ANK3: variants seen among roughly 807,000 people sequenced by gnomAD.
The protein encoded by ANK3 is ankyrin-3.
ANK3 carries 57 observed loss-of-function variants against 370.9 expected under a neutral mutation model. The ratio of observed to expected loss-of-function variants is 0.15; its 90% confidence interval spans 0.12 to 0.19. The LOEUF (loss-of-function observed/expected upper bound fraction) is 0.19. Among genes scored for constraint, ANK3 ranks in the 10% least tolerant of loss-of-function variants. The pLI is 1.00. For synonymous variants in ANK3, 1,929 were observed against 1,946.3 expected, an observed-to-expected ratio of 0.99 and a Z score of 0.23; for missense variants, 4,439 against 5,302.1, an observed-to-expected ratio of 0.84 and a Z score of 5.06.
At chr10:60,405,289 T>A (rs779017983) in intron 2 of ANK3, among the ~76,000 whole-genome samples, 2 of 152,146 alleles carry the variant, frequency 1.3e-5, no homozygotes, top group Non-Finnish European at 2.9e-5. Flanking sequence ...AACAAGTGAA[T>A]GGATAAACAA....
chr10:60,549,786 A>T (rs72822814), intron 2 of ANK3, among the ~76,000 whole-genome samples: 2 of 152,320 alleles, frequency 1.3e-5, no homozygotes, highest in Non-Finnish European at 2.9e-5. Flanking sequence ...AAAGCAGTAC[A>T]TATACAGGTA....
intron 2 of ANK3, among the ~76,000 whole-genome samples, chr10:60,557,914 T>C (rs933538925): frequency 6.6e-6 from 1 of 152,166 alleles, no homozygotes. Context: ...TTGAAAAGAT[T>C]AGGAAACGTT....
intron 2 of ANK3, among the ~76,000 whole-genome samples, chr10:60,460,986 G>A (rs1051186789): frequency 2.6e-5 from 4 of 152,164 alleles, no homozygotes; most frequent in Non-Finnish European, 5.9e-5. Context: ...CAGAAAAGTA[G>A]TGACTTCTAG....
chr10:60,339,135 A>G (rs1411220463), intron 1 of ANK3, among the ~76,000 whole-genome samples: 3 of 152,116 alleles, frequency 2.0e-5, no homozygotes, highest in African/African-American at 7.2e-5. Context: ...TAAAAGGTTC[A>G]GACATTAAGT....
chr10:60,082,047 T>C, intron 35 of ANK3, 103 bp downstream of exon 35: 1 of 861,776 alleles, frequency 1.2e-6, no homozygotes, highest in South Asian at 1.9e-5. Context: ...CTGAAAAATA[T>C]AATTTATATG....
intron 4 of ANK3, among the ~76,000 whole-genome samples, chr10:60,274,416 C>T (rs565961904): frequency 6.6e-6 from 1 of 152,300 alleles, no homozygotes; most frequent in South Asian, 2.1e-4. Flanking sequence ...TGCCCACACA[C>T]CCATTTCCCC....
chr10:60,263,739 G>A (rs2097842716), intron 6 of ANK3, 96 bp downstream of exon 6: 4 of 1,379,312 alleles, frequency 2.9e-6, no homozygotes, highest in Non-Finnish European at 4.0e-6. Context: ...TTAAAGGCAT[G>A]GCATAAGCTT....
At chr10:60,369,350 A>G (rs1317921109) in intron 1 of ANK3, among the ~76,000 whole-genome samples, 3 of 152,178 alleles carry the variant, frequency 2.0e-5, no homozygotes, top group African/African-American at 7.2e-5. Context: ...TGCAACTAGA[A>G]GCTCAACATT....
At chr10:60,604,933 T>C (rs1002873766) in intron 2 of ANK3, among the ~76,000 whole-genome samples, 5 of 152,134 alleles carry the variant, frequency 3.3e-5, no homozygotes, top group East Asian at 1.9e-4. Flanking sequence ...AGCACCAACA[T>C]TGTAGTCCAC....
intron 1 of ANK3, among the ~76,000 whole-genome samples, chr10:60,294,733 A>G (rs1458245022): frequency 6.6e-6 from 1 of 152,230 alleles, no homozygotes; most frequent in Admixed American, 6.5e-5. Flanking sequence ...AGACAGATAG[A>G]TAGATAGACT....
intron 43 of ANK3, among the ~76,000 whole-genome samples, chr10:60,038,394 A>C (rs1226620137): frequency 2.0e-5 from 3 of 152,200 alleles, no homozygotes; most frequent in Admixed American, 6.5e-5. Flanking sequence ...AGACTGTCTC[A>C]AAAATAAAAG....
At chr10:60,197,164 G>C (rs972347922) in intron 14 of ANK3, among the ~76,000 whole-genome samples, 3 of 152,178 alleles carry the variant, frequency 2.0e-5, no homozygotes, top group African/African-American at 7.2e-5. Flanking sequence ...CTAGTCTTCA[G>C]GAGGAGGAGT....
At chr10:60,107,045 G>C (rs2092261687) in intron 27 of ANK3, among the ~76,000 whole-genome samples, 1 of 152,078 alleles carries the variant, frequency 6.6e-6, no homozygotes, top group African/African-American at 2.4e-5. Context: ...AGGGATAGTA[G>C]TTGTAATGAT....
At chr10:60,342,450 T>G (rs2054482436) in intron 1 of ANK3, among the ~76,000 whole-genome samples, 1 of 152,090 alleles carries the variant, frequency 6.6e-6, no homozygotes. Context: ...GAGGAAAACT[T>G]AAGAGAAACC....
At chr10:60,615,654 T>C (rs977733351) in intron 1 of ANK3, among the ~76,000 whole-genome samples, 2 of 152,208 alleles carry the variant, frequency 1.3e-5, no homozygotes, top group Admixed American at 6.5e-5. Flanking sequence ...ATAACTTTCT[T>C]GCACAGCTAT....
intron 18 of ANK3, among the ~76,000 whole-genome samples, chr10:60,175,962 G>A (rs920465176): frequency 4.6e-5 from 7 of 152,052 alleles, no homozygotes; most frequent in East Asian, 1.9e-4. Context: ...TTATTACCTC[G>A]TGCTGAAAAC....
chr10:60,714,294 A>G (rs541062573), intron 1 of ANK3, among the ~76,000 whole-genome samples: 51 of 152,332 alleles, frequency 3.3e-4, no homozygotes, highest in Admixed American at 2.4e-3. Flanking sequence ...AGATGGGTTC[A>G]CTGGTGACTT....
chr10:60,695,651 G>A (rs1228197705), intron 1 of ANK3, among the ~76,000 whole-genome samples: 20 of 152,056 alleles, frequency 1.3e-4, no homozygotes, highest in African/African-American at 4.1e-4. Context: ...CTGAATGACT[G>A]CTGGGTACAT....
intron 2 of ANK3, among the ~76,000 whole-genome samples, chr10:60,582,774 G>A (rs757087833): frequency 1.3e-5 from 2 of 151,748 alleles, no homozygotes; most frequent in Admixed American, 6.6e-5. Flanking sequence ...TTGTCTTTTT[G>A]TCTGTTGACT....
Sources: allele counts gnomAD v4.1 joint callset (sites outside exome capture counted in the v4.1 genomes callset), GRCh38; gene constraint gnomAD v4.1.1; transcripts MANE v1.5; gene names NCBI Gene and HGNC (gene_info 2026-07-23, HGNC 2026-07-21).